Variants in DGKB observed in about 807,000 individuals in gnomAD.
DGKB encodes diacylglycerol kinase beta.
A neutral mutation model predicts 114.3 loss-of-function variants in DGKB; 67 were observed. That is an observed-to-expected ratio of 0.59 (90% confidence interval 0.48 to 0.72). The LOEUF (loss-of-function observed/expected upper bound fraction) is 0.72, where lower values mean the gene tolerates loss of function less well. DGKB is among the 30% of genes least tolerant of loss of function. The pLI, the probability that DGKB is intolerant of heterozygous loss-of-function variation, is 0.00. For missense variants in DGKB, 907 were observed against 975.2 expected (o/e 0.93, Z 0.93); for synonymous variants, 398 against 323.1 (o/e 1.23, Z -2.49).
chr7:14,408,323 G>C (rs1466635142), intron 21 of DGKB, among the ~76,000 whole-genome samples: 2 of 152,142 alleles, frequency 1.3e-5, no homozygotes, highest in East Asian at 3.9e-4. Flanking sequence ...TCGGATTTTT[G>C]TCTTGGAGGG....
chr7:14,582,043 T>A (rs1432098706), intron 18 of DGKB, among the ~76,000 whole-genome samples: 1 of 152,242 alleles, frequency 6.6e-6, no homozygotes, highest in Non-Finnish European at 1.5e-5. Flanking sequence ...TTATTTTGAA[T>A]ATTTTTAGTG....
rs982097872 is a variant in DGKB, at chr7:14,551,273, A to G, written c.1770+22939T>C. Among the ~76,000 whole-genome samples, 3 of 152,226 alleles carry G rather than the reference A, an allele frequency of 2.0e-5. No homozygotes were observed. In the East Asian group the frequency reaches 5.8e-4, roughly 29 times the overall value. ...TCTTTGTCAGATTTCTTCCAGACTT[A>G]GAAGATTTCTACAGTTAACATAGAC... On this transcript the variant is annotated intron_variant, in intron 20 of 25. Transcript: ENST00000402815.
chr7:14,410,225 CATAT>C (rs2128743874), intron 21 of DGKB, among the ~76,000 whole-genome samples: 1 of 150,788 alleles, frequency 6.6e-6, no homozygotes, highest in South Asian at 2.1e-4. Context: ...CATATATATA[CATAT>C]ACATGCACAC....
In DGKB at chr7:14,769,313, G is replaced by A. The variant is rs140744193; in HGVS notation, c.71-11582C>T. Among the ~76,000 whole-genome samples, 163 of 151,754 alleles carry A rather than the reference G, an allele frequency of 1.1e-3. 1 individual carries two copies. The East Asian group carries it at 0.029, about 27-fold the overall frequency. On this transcript the variant is annotated intron_variant, in intron 2 of 25. Coordinates refer to ENST00000402815, the MANE Select transcript of DGKB (RefSeq NM_001350709.2). ...GTAAAGGAGTTTAGTTACAAAGCCA[G>A]TTTGATATGGTTTTAGAGATTTATA...
chr7:14,369,957 C>G (rs556643077), intron 21 of DGKB, among the ~76,000 whole-genome samples: 4 of 152,178 alleles, frequency 2.6e-5, no homozygotes, highest in African/African-American at 7.2e-5. Context: ...TTCATTAGAT[C>G]CCATTTGTCA....
At chr7:14,407,289 T>C (rs1221115055) in intron 21 of DGKB, among the ~76,000 whole-genome samples, 3 of 152,162 alleles carry the variant, frequency 2.0e-5, no homozygotes, top group South Asian at 4.1e-4. Context: ...AGTGCTATTA[T>C]GTCTATTGTT....
chr7:14,499,393 A>C (rs1318122686), intron 20 of DGKB, among the ~76,000 whole-genome samples: 1 of 147,886 alleles, frequency 6.8e-6, no homozygotes, highest in Non-Finnish European at 1.5e-5. Context: ...CTCATTCAGA[A>C]TAATTCTTCA....
At chr7:14,158,616 G>A (rs1243444262) in intron 25 of DGKB, among the ~76,000 whole-genome samples, 1 of 152,110 alleles carries the variant, frequency 6.6e-6, no homozygotes, top group East Asian at 1.9e-4. Flanking sequence ...AATACAATTG[G>A]ATACAGATGT....
intron 13 of DGKB, among the ~76,000 whole-genome samples, chr7:14,648,298 G>A (rs1418951791): frequency 6.6e-6 from 1 of 152,168 alleles, no homozygotes; most frequent in African/African-American, 2.4e-5. Context: ...CTGGAGATCT[G>A]AGAACGGGCA....
intron 13 of DGKB, among the ~76,000 whole-genome samples, chr7:14,662,423 A>T (rs1817310587): frequency 6.6e-6 from 1 of 151,958 alleles, no homozygotes; most frequent in African/African-American, 2.4e-5. Flanking sequence ...GAATTAAACA[A>T]CCATAAAAGC....
At chr7:14,471,691 GAAT>G (rs1781427592) in intron 21 of DGKB, among the ~76,000 whole-genome samples, 2 of 151,844 alleles carry the variant, frequency 1.3e-5, no homozygotes, top group Admixed American at 1.3e-4. Flanking sequence ...TAGTTATGTA[GAAT>G]GAAGACTCAC....
intron 21 of DGKB, among the ~76,000 whole-genome samples, chr7:14,411,768 C>G (rs895215573): frequency 9.3e-5 from 1 of 10,704 alleles, no homozygotes; most frequent in Admixed American, 6.4e-4. Flanking sequence ...CTACCTCTTT[C>G]TTTTTTTTCT....
At chr7:14,859,842 G>T (rs1409311887) in intron 1 of DGKB, among the ~76,000 whole-genome samples, 1 of 152,132 alleles carries the variant, frequency 6.6e-6, no homozygotes, top group Admixed American at 6.6e-5. Flanking sequence ...TAAAGCCAAT[G>T]ATCCCATCTA....
intron 23 of DGKB, among the ~76,000 whole-genome samples, chr7:14,199,170 G>A (rs1785463497): frequency 6.6e-6 from 1 of 151,892 alleles, no homozygotes; most frequent in Non-Finnish European, 1.5e-5. Context: ...TTATGTATAA[G>A]TAATAAAATT....
chr7:14,836,247 G>A (rs143065927), intron 2 of DGKB, among the ~76,000 whole-genome samples: 136 of 152,194 alleles, frequency 8.9e-4, no homozygotes, highest in African/African-American at 2.8e-3. Flanking sequence ...ATGCACATTC[G>A]TCCTTATTGA....
intron 23 of DGKB, among the ~76,000 whole-genome samples, chr7:14,187,094 C>T (rs1285276910): frequency 6.6e-6 from 1 of 152,140 alleles, no homozygotes; most frequent in Non-Finnish European, 1.5e-5. Context: ...ATACATAACA[C>T]CTTAAAATAG....
chr7:14,658,821 A>G (rs897469741), intron 13 of DGKB, among the ~76,000 whole-genome samples: 34 of 152,054 alleles, frequency 2.2e-4, no homozygotes, highest in East Asian at 3.9e-4. Flanking sequence ...TTAAATATAC[A>G]TTTTTCAAAT....
chr7:14,185,216 C>A (rs553836373), intron 23 of DGKB, among the ~76,000 whole-genome samples: 2 of 152,234 alleles, frequency 1.3e-5, no homozygotes, highest in South Asian at 4.1e-4. Context: ...AGCTCTTGTA[C>A]ACAATAATGG....
intron 17 of DGKB, among the ~76,000 whole-genome samples, chr7:14,586,332 C>T (rs1038325072): frequency 6.0e-5 from 9 of 150,228 alleles, no homozygotes; most frequent in African/African-American, 2.0e-4. Context: ...AAGCCAAGTC[C>T]AGAGCAAGCC....
Sources: gnomAD v4.1 joint callset for allele counts (sites outside exome capture counted in the v4.1 genomes callset) on GRCh38, gnomAD v4.1.1 for gene constraint, MANE v1.5 for transcripts, NCBI Gene and HGNC (gene_info 2026-07-23, HGNC 2026-07-21) for gene names.